Variants in TEKTIP1 observed in about 807,000 individuals in gnomAD.
TEKTIP1 encodes the protein tektin bundle interacting protein 1.
chr19:3,543,300 A>G, the TEKTIP1 span: 2 of 1,549,026 alleles, frequency 1.3e-6, no homozygotes, highest in African/African-American at 1.4e-5. Flanking sequence ...ACACGCTGGA[A>G]GTACACGCCC....
the TEKTIP1 span, chr19:3,539,278 G>C: frequency 2.6e-6 from 4 of 1,517,128 alleles, no homozygotes; most frequent in Non-Finnish European, 1.8e-6. Flanking sequence ...CCTCCCTACA[G>C]GTGAGCCCCT....
At chr19:3,543,797 G>A in the TEKTIP1 span, 1 of 1,500,402 alleles carries the variant, frequency 6.7e-7, no homozygotes, top group Non-Finnish European at 9.0e-7. Context: ...CGAGGAGGTG[G>A]GGGCACATGG....
chr19:3,540,282 G>C, the TEKTIP1 span, among the ~76,000 whole-genome samples: 1 of 150,510 alleles, frequency 6.6e-6, no homozygotes, highest in Non-Finnish European at 1.5e-5. Context: ...TTTTTGGACG[G>C]AGTCTCACTC....
chr19:3,543,220 C>G, the TEKTIP1 span: 9 of 1,539,590 alleles, frequency 5.8e-6, no homozygotes, highest in Non-Finnish European at 7.0e-6. Flanking sequence ...GTCTCTGCCC[C>G]CTGCCCACCC....
the TEKTIP1 span, chr19:3,543,258 G>A: frequency 6.5e-7 from 1 of 1,546,442 alleles, no homozygotes; most frequent in African/African-American, 1.4e-5. Context: ...TCCCTGGAGG[G>A]TTCCCGCTGG....
the TEKTIP1 span, chr19:3,543,640 C>A: frequency 6.5e-7 from 1 of 1,543,778 alleles, no homozygotes; most frequent in East Asian, 2.4e-5. Flanking sequence ...GGTGGGGGAG[C>A]GCGCTGTGGA....
chr19:3,542,387 C>A, the TEKTIP1 span: 6 of 985,414 alleles, frequency 6.1e-6, no homozygotes, highest in Non-Finnish European at 7.2e-6. Context: ...GCTAGACTGT[C>A]TTGGGGCCAG....
the TEKTIP1 span, chr19:3,543,356 A>G: frequency 4.5e-6 from 7 of 1,549,466 alleles, no homozygotes; most frequent in Non-Finnish European, 6.1e-6. Flanking sequence ...AGGCCTGACC[A>G]ACTCGGACGC....
the TEKTIP1 span, chr19:3,542,365 G>C: frequency 1.0e-6 from 1 of 985,428 alleles, no homozygotes; most frequent in Non-Finnish European, 1.2e-6. Context: ...AGATGAGATT[G>C]TTTTGAACCC....
chr19:3,543,006 TGGGTGCTTG>T, the TEKTIP1 span: 1 of 1,600,034 alleles, frequency 6.2e-7, no homozygotes, highest in Non-Finnish European at 8.5e-7. Flanking sequence ...AGTGCTGACT[TGGGTGCTTG>T]GGGTGCGATG....
the TEKTIP1 span, chr19:3,542,260 G>C: frequency 1.0e-3 from 1,022 of 985,376 alleles, 11 homozygotes; most frequent in African/African-American, 0.017. Context: ...TAACTGACCA[G>C]GCTACTCCCA....
At chr19:3,543,236 G>C in the TEKTIP1 span, 87 of 1,542,732 alleles carry the variant, frequency 5.6e-5, no homozygotes, top group African/African-American at 1.0e-3. Flanking sequence ...CACCCTCAGC[G>C]ATGACTACCT....
chr19:3,540,865 C>G, the TEKTIP1 span, among the ~76,000 whole-genome samples: 1 of 114,222 alleles, frequency 8.8e-6, no homozygotes, highest in East Asian at 2.5e-4. Flanking sequence ...GAGCGAAACT[C>G]CATCTCAAAA....
the TEKTIP1 span, chr19:3,543,130 G>A: frequency 5.3e-6 from 8 of 1,512,648 alleles, no homozygotes; most frequent in South Asian, 1.3e-5. Flanking sequence ...GAGACCCCAC[G>A]CCGTGGGCCA....
the TEKTIP1 span, chr19:3,542,552 C>T: frequency 1.2e-6 from 1 of 843,394 alleles, no homozygotes. Context: ...CAGCTTACTG[C>T]AAACTCCACT....
the TEKTIP1 span, chr19:3,541,856 T>C: frequency 1.1e-6 from 1 of 935,826 alleles, no homozygotes; most frequent in Non-Finnish European, 1.3e-6. Flanking sequence ...TCACCCAGGC[T>C]GGAGTGCAGT....
At chr19:3,539,710 C>A in the TEKTIP1 span, 1 of 170,428 alleles carries the variant, frequency 5.9e-6, no homozygotes, top group Non-Finnish European at 1.3e-5. Flanking sequence ...TTTCCCTCTC[C>A]TTATAAGGGT....
chr19:3,539,284 C>A, the TEKTIP1 span: 1 of 1,377,488 alleles, frequency 7.3e-7, no homozygotes, highest in Non-Finnish European at 1.0e-6. Flanking sequence ...TACAGGTGAG[C>A]CCCTCCCAGC....
the TEKTIP1 span, chr19:3,541,838 TC>T: frequency 1.0e-6 from 1 of 973,494 alleles, no homozygotes; most frequent in Non-Finnish European, 1.2e-6. Context: ...AGACAGAGTC[TC>T]GCTCTCTCAC....
Sources: allele counts gnomAD v4.1 joint callset (sites outside exome capture counted in the v4.1 genomes callset), GRCh38; gene constraint gnomAD v4.1.1; transcripts MANE v1.5; gene names NCBI Gene and HGNC (gene_info 2026-07-23, HGNC 2026-07-21).